FSTL4: variants seen among roughly 807,000 people sequenced by gnomAD.
FSTL4 encodes follistatin-related protein 4.
A neutral mutation model predicts 78.2 loss-of-function variants in FSTL4; 28 were observed. The observed-to-expected ratio is 0.36, with a 90% CI of 0.27 to 0.49. FSTL4 has a LOEUF of 0.49. Ranked by LOEUF, FSTL4 falls within the 20% of genes least tolerant of loss-of-function variation. The pLI is 0.98. For synonymous variants in FSTL4, 422 were observed against 440.5 expected (o/e 0.96, Z 0.53); for missense variants, 922 against 1,084.9 (o/e 0.85, Z 2.11).
At chr5:133,805,997 T>A in the FSTL4 span, among the ~76,000 whole-genome samples, 2 of 152,234 alleles carry the variant, frequency 1.3e-5, no homozygotes, top group African/African-American at 4.8e-5. Context: ...TCCCCATGTA[T>A]GGGATACCGC....
the FSTL4 span, among the ~76,000 whole-genome samples, chr5:133,733,951 G>A: frequency 1.2e-4 from 18 of 152,362 alleles, no homozygotes; most frequent in East Asian, 7.7e-4. Context: ...CCATGTGGAC[G>A]TTTCTGCAGG....
chr5:133,509,361 C>A (rs905861445), intron 3 of FSTL4, among the ~76,000 whole-genome samples: 1 of 152,200 alleles, frequency 6.6e-6, no homozygotes, highest in Non-Finnish European at 1.5e-5. Flanking sequence ...TCCGTCTCCT[C>A]TTTTTCATGG....
intron 4 of FSTL4, among the ~76,000 whole-genome samples, chr5:133,378,464 G>A (rs1755492650): frequency 2.6e-5 from 4 of 152,060 alleles, no homozygotes; most frequent in Admixed American, 2.6e-4. Context: ...ACCAGCAATG[G>A]TAAATAAGAA....
the FSTL4 span, among the ~76,000 whole-genome samples, chr5:133,704,434 C>A: frequency 6.6e-6 from 1 of 152,240 alleles, no homozygotes; most frequent in Admixed American, 6.5e-5. Flanking sequence ...GTCAGTGACC[C>A]AAGGGTTCAG....
intron 6 of FSTL4, among the ~76,000 whole-genome samples, chr5:133,269,632 T>C (rs1752725323): frequency 1.3e-5 from 2 of 152,212 alleles, no homozygotes; most frequent in African/African-American, 4.8e-5. Flanking sequence ...ATCAGCCCAA[T>C]GCTCTGGCCC....
At chr5:133,758,686 C>T in the FSTL4 span, among the ~76,000 whole-genome samples, 1 of 152,180 alleles carries the variant, frequency 6.6e-6, no homozygotes, top group African/African-American at 2.4e-5. Context: ...TGCAGCGTAA[C>T]AGATTACCTC....
At chr5:133,819,383 A>G in the FSTL4 span, among the ~76,000 whole-genome samples, 22 of 151,756 alleles carry the variant, frequency 1.4e-4, no homozygotes, top group Non-Finnish European at 2.6e-4. Context: ...CCCTGCTCAC[A>G]CCCTGCTCCT....
intron 7 of FSTL4, among the ~76,000 whole-genome samples, chr5:133,240,342 C>G (rs1370128744): frequency 1.3e-5 from 2 of 152,228 alleles, no homozygotes; most frequent in African/African-American, 4.8e-5. Flanking sequence ...AGGAACCATC[C>G]TTTTTCTCAG....
the FSTL4 span, among the ~76,000 whole-genome samples, chr5:133,801,599 C>T: frequency 6.6e-6 from 1 of 152,252 alleles, no homozygotes; most frequent in Admixed American, 6.5e-5. Flanking sequence ...GTTAGGGAGG[C>T]CATCCTGCAG....
intron 14 of FSTL4, among the ~76,000 whole-genome samples, chr5:133,207,247 T>G (rs533894567): frequency 6.6e-6 from 1 of 152,370 alleles, no homozygotes; most frequent in South Asian, 2.1e-4. Flanking sequence ...CACTCTTGTT[T>G]TACGTATTCG....
the FSTL4 span, among the ~76,000 whole-genome samples, chr5:133,662,692 T>G: frequency 5.7e-4 from 87 of 152,236 alleles, 2 homozygotes; most frequent in Non-Finnish European, 4.4e-4. Flanking sequence ...TGTGTCCCAT[T>G]CACAGTTCCA....
chr5:133,352,333 TATATATATACAC>T (rs1260266910), intron 4 of FSTL4, among the ~76,000 whole-genome samples: 91 of 104,604 alleles, frequency 8.7e-4, no homozygotes, highest in South Asian at 2.1e-3. Context: ...TATACACACA[TATATATATACAC>T]ATATATATAC....
At chr5:133,677,103 C>A in the FSTL4 span, among the ~76,000 whole-genome samples, 2 of 152,364 alleles carry the variant, frequency 1.3e-5, no homozygotes, top group African/African-American at 4.8e-5. Context: ...AAAGATAGTG[C>A]TTGTAAAACT....
chr5:133,455,426 T>C (rs1192469469), intron 3 of FSTL4, among the ~76,000 whole-genome samples: 2 of 152,212 alleles, frequency 1.3e-5, no homozygotes, highest in East Asian at 1.9e-4. Flanking sequence ...GGTAAAACAT[T>C]GCAACTGCTA....
chr5:133,210,983 G>C (rs542695125), intron 13 of FSTL4: 1 of 152,354 alleles, frequency 6.6e-6, no homozygotes, highest in South Asian at 2.1e-4. Context: ...CTGTGGCCTA[G>C]ATTCTGGTGA....
chr5:133,427,577 CG>C (rs750334953), intron 3 of FSTL4: 8 of 476,968 alleles, frequency 1.7e-5, no homozygotes, highest in Non-Finnish European at 3.6e-5. Context: ...CACGCAATGG[CG>C]GGGGGAAGGG....
intron 3 of FSTL4, among the ~76,000 whole-genome samples, chr5:133,498,143 T>G (rs1392483157): frequency 1.3e-5 from 2 of 152,208 alleles, no homozygotes; most frequent in Non-Finnish European, 1.5e-5. Flanking sequence ...CAAATGAGAC[T>G]TCCAGATAAA....
intron 4 of FSTL4, among the ~76,000 whole-genome samples, chr5:133,353,729 C>T (rs1258451286): frequency 1.3e-5 from 2 of 152,232 alleles, no homozygotes; most frequent in Admixed American, 1.3e-4. Flanking sequence ...TACACAAGCG[C>T]ACACACACAG....
chr5:133,497,986 G>A (rs1484662089), intron 3 of FSTL4, among the ~76,000 whole-genome samples: 1 of 152,034 alleles, frequency 6.6e-6, no homozygotes, highest in Admixed American at 6.5e-5. Context: ...GTGACTTGCG[G>A]GGTCTGTCTC....
Sources: gnomAD v4.1 joint callset for allele counts (sites outside exome capture counted in the v4.1 genomes callset) on GRCh38, gnomAD v4.1.1 for gene constraint, MANE v1.5 for transcripts, NCBI Gene and HGNC (gene_info 2026-07-23, HGNC 2026-07-21) for gene names.